The following PUM1 variants were observed in gnomAD, a reference collection of about 807,000 sequenced individuals.
PUM1 encodes pumilio RNA binding family member 1.
A neutral mutation model predicts 131.8 loss-of-function variants in PUM1; 13 were observed. The observed-to-expected ratio is 0.10, with a 90% confidence interval of 0.06 to 0.16. PUM1 has a LOEUF of 0.16. Ranked by LOEUF, PUM1 falls within the 10% of genes least tolerant of loss-of-function variation. The pLI, the probability that PUM1 is intolerant of heterozygous loss-of-function variation, is 1.00. For missense variants in PUM1, 961 were observed against 1,512.4 expected (o/e 0.64, Z 6.05); for synonymous variants, 509 against 556.5 (o/e 0.91, Z 1.20).
intron 3 of PUM1, among the ~76,000 whole-genome samples, chr1:31,017,395 TAAAG>T (rs1642855586): frequency 6.6e-6 from 1 of 152,348 alleles, no homozygotes; most frequent in Non-Finnish European, 1.5e-5. Context: ...AGAAGTATCT[TAAAG>T]AAGGGGACAG....
intron 19 of PUM1, chr1:30,941,789 GATCTCCT>G: frequency 2.1e-6 from 1 of 469,326 alleles, no homozygotes; most frequent in Non-Finnish European, 4.0e-6. Context: ...CTGGAAGTCA[GATCTCCT>G]GACTCCAGGG....
chr1:30,939,313 C>A (rs546989598), intron 20 of PUM1, among the ~76,000 whole-genome samples: 26 of 152,322 alleles, frequency 1.7e-4, no homozygotes, highest in African/African-American at 6.0e-4. Context: ...CAGCTGAAAT[C>A]CCAGTTCAAT....
At chr1:30,983,508 G>A (rs1207112238) in intron 7 of PUM1, among the ~76,000 whole-genome samples, 2 of 152,156 alleles carry the variant, frequency 1.3e-5, no homozygotes, top group African/African-American at 4.8e-5. Context: ...AAAAAAGACA[G>A]TATGTTCAGA....
At chr1:31,029,982 G>A (rs377612954) in intron 2 of PUM1, among the ~76,000 whole-genome samples, 4 of 151,702 alleles carry the variant, frequency 2.6e-5, no homozygotes, top group East Asian at 3.9e-4. Flanking sequence ...TTGGGAGGGC[G>A]AGGCAGGAGG....
chr1:31,059,100 A>C, intron 2 of PUM1, 104 bp downstream of exon 2: 1 of 1,305,020 alleles, frequency 7.7e-7, no homozygotes. Flanking sequence ...TACCAAATGA[A>C]ATCAGCAATT....
intron 7 of PUM1, among the ~76,000 whole-genome samples, chr1:30,983,758 ATT>A (rs386353877): frequency 0.034 from 4,432 of 129,474 alleles, 335 homozygotes; most frequent in East Asian, 0.29. Flanking sequence ...CACGCCTGGC[ATT>A]TTTTTTTTTT....
chr1:30,996,300 T>C (rs891463865), intron 5 of PUM1, among the ~76,000 whole-genome samples: 2 of 152,158 alleles, frequency 1.3e-5, no homozygotes, highest in South Asian at 2.1e-4. Context: ...CAATAGAAGA[T>C]GAGAGTGGCT....
intron 9 of PUM1, among the ~76,000 whole-genome samples, chr1:30,977,383 T>C (rs1641178930): frequency 6.6e-6 from 1 of 152,186 alleles, no homozygotes; most frequent in African/African-American, 2.4e-5. Context: ...CCTGCAATAA[T>C]AGTCCCAACG....
chr1:30,978,580 CATA>C (rs1270919839), intron 9 of PUM1, among the ~76,000 whole-genome samples: 1 of 152,178 alleles, frequency 6.6e-6, no homozygotes, highest in African/African-American at 2.4e-5. Flanking sequence ...TTACATGTTA[CATA>C]ATAAGTAGTA....
chr1:31,063,781 T>G (rs1232754598), intron 1 of PUM1, among the ~76,000 whole-genome samples: 1 of 152,222 alleles, frequency 6.6e-6, no homozygotes, highest in Admixed American at 6.6e-5. Context: ...TAAAGCTATC[T>G]GTATGCCCTA....
intron 1 of PUM1, among the ~76,000 whole-genome samples, chr1:31,060,199 G>GC (rs952968072): frequency 6.7e-6 from 1 of 148,888 alleles, no homozygotes; most frequent in African/African-American, 2.4e-5. Context: ...GGTGGCTCAT[G>GC]CCTGTAATCC....
chr1:31,035,664 T>C (rs1228136905), intron 2 of PUM1, among the ~76,000 whole-genome samples: 1 of 151,758 alleles, frequency 6.6e-6, no homozygotes, highest in Admixed American at 6.6e-5. Context: ...GGCAGGAGAA[T>C]TGCTTGAACC....
At chr1:30,995,661 A>G (rs781372027) in intron 5 of PUM1, among the ~76,000 whole-genome samples, 1 of 152,208 alleles carries the variant, frequency 6.6e-6, no homozygotes, top group African/African-American at 2.4e-5. Flanking sequence ...GCCTGTAAAA[A>G]GAATTTCATA....
intron 8 of PUM1, 64 bp from the exon 9 acceptor site, chr1:30,980,227 T>C (rs781237322): frequency 2.3e-6 from 3 of 1,280,868 alleles, no homozygotes; most frequent in Admixed American, 1.8e-5. Flanking sequence ...ATCAAATACC[T>C]ACACAGTTTC....
intron 3 of PUM1, among the ~76,000 whole-genome samples, chr1:31,010,054 T>G (rs144356562): frequency 6.6e-6 from 1 of 151,882 alleles, no homozygotes; most frequent in East Asian, 1.9e-4. Context: ...GAAACAACAA[T>G]ACAGCAAACA....
At chr1:30,978,922 T>G (rs1641247428) in intron 9 of PUM1, among the ~76,000 whole-genome samples, 1 of 152,072 alleles carries the variant, frequency 6.6e-6, no homozygotes, top group East Asian at 1.9e-4. Flanking sequence ...TAGGCAACGC[T>G]GGCGAGACCA....
Position 30,966,211 on chromosome 1 carries a change from T to C in PUM1, c.1857A>G (p.Pro619=). 4 of 1,613,814 alleles carry C rather than the reference T, an allele frequency of 2.5e-6. No homozygotes were observed. Among genetic ancestry groups the C allele is most frequent in the South Asian group, 2.2e-5 (2 of 91,054 alleles). Residue 619 remains proline, a synonymous_variant, in exon 13 of 22, where the codon CCA becomes CCG. Coordinates refer to ENST00000426105, the MANE Select transcript of PUM1 (RefSeq NM_001020658.2). The part of the protein sequence containing the change: ...AGGLAGTTNG[P]FRPLGTQQPQ... ...GCTGCTGTGTTCCTAAAGGGCGAAA[T>C]GGTCCATTTGTTGTTCCAGCAAGAC...
At chr1:31,031,087 A>G (rs900718094) in intron 2 of PUM1, among the ~76,000 whole-genome samples, 1 of 152,228 alleles carries the variant, frequency 6.6e-6, no homozygotes, top group African/African-American at 2.4e-5. Flanking sequence ...AAATAGACTC[A>G]TAAACTGTAT....
chr1:30,950,014 G>C, intron 17 of PUM1, 113 bp downstream of exon 17: 1 of 1,245,842 alleles, frequency 8.0e-7, no homozygotes, highest in Non-Finnish European at 1.1e-6. Context: ...GCAGCCATAA[G>C]CAACAATGCA....
Sources: gnomAD v4.1 joint callset for allele counts (sites outside exome capture counted in the v4.1 genomes callset) on GRCh38, gnomAD v4.1.1 for gene constraint, MANE v1.5 for transcripts, NCBI Gene and HGNC (gene_info 2026-07-23, HGNC 2026-07-21) for gene names.